Variants in FARS2 observed in about 807,000 individuals in gnomAD.
FARS2 encodes phenylalanyl-tRNA synthetase 2, mitochondrial.
In FARS2, 40 loss-of-function variants were observed where a neutral mutation model predicts 46.4. That is an observed-to-expected ratio of 0.86 (90% CI 0.67 to 1.12). The LOEUF is 1.12. Among genes scored for constraint, FARS2 ranks in the 50% most tolerant of loss-of-function variants. The pLI, the probability that FARS2 is intolerant of heterozygous loss-of-function variation, is 0.00. For synonymous variants in FARS2, 234 were observed against 214.9 expected (o/e 1.09, Z -0.78); for missense variants, 513 against 567.9 (o/e 0.90, Z 0.98).
chr6:5,503,825 C>G (rs1004588309), intron 4 of FARS2, among the ~76,000 whole-genome samples: 2 of 152,118 alleles, frequency 1.3e-5, no homozygotes, highest in African/African-American at 4.8e-5. Flanking sequence ...TCTTTGCCCC[C>G]GTCATTGATC....
intron 6 of FARS2, among the ~76,000 whole-genome samples, chr6:5,710,267 G>A (rs1163729725): frequency 6.6e-6 from 1 of 152,222 alleles, no homozygotes; most frequent in Non-Finnish European, 1.5e-5. Flanking sequence ...CCCTTGGTCA[G>A]GAGATTCACT....
rs532140049 is a variant in FARS2 at position 5,478,143 on chromosome 6, C to T, written c.904+46971C>T. Among the ~76,000 whole-genome samples the T allele has an allele frequency of 7.9e-5, 12 of 152,286 alleles. No homozygotes were observed. In the South Asian group the frequency reaches 1.5e-3, roughly 18 times the overall value. On this transcript the variant is annotated intron_variant, in intron 4 of 6. Transcript: ENST00000274680. ...GTGATGTCAGTATTAACCTGGCACA[C>T]GAAGACACTCAGTCAATATGTGTGG...
chr6:5,538,113 C>G (rs1454222545), intron 4 of FARS2, among the ~76,000 whole-genome samples: 1 of 145,410 alleles, frequency 6.9e-6, no homozygotes, highest in Non-Finnish European at 1.5e-5. Context: ...TCTGGTGACT[C>G]TAGTTTACTG....
chr6:5,270,262 AC>A (rs1269436061), intron 1 of FARS2, among the ~76,000 whole-genome samples: 19 of 152,328 alleles, frequency 1.2e-4, no homozygotes, highest in Middle Eastern at 3.4e-3. Flanking sequence ...GTCTTGGAGC[AC>A]TTTGAGACAA....
chr6:5,535,877 G>A (rs150355260), intron 4 of FARS2, among the ~76,000 whole-genome samples: 175 of 151,902 alleles, frequency 1.2e-3, no homozygotes, highest in Non-Finnish European at 1.9e-3. Flanking sequence ...GCACTCCTGG[G>A]GTAAATCCAT....
At chr6:5,741,024 A>C (rs1254123649) in intron 6 of FARS2, among the ~76,000 whole-genome samples, 1 of 152,196 alleles carries the variant, frequency 6.6e-6, no homozygotes, top group Non-Finnish European at 1.5e-5. Flanking sequence ...GTGCTAACAC[A>C]GACTGCGGCA....
chr6:5,556,608 A>G (rs1439106038), intron 5 of FARS2, among the ~76,000 whole-genome samples: 1 of 151,784 alleles, frequency 6.6e-6, no homozygotes, highest in Non-Finnish European at 1.5e-5. Context: ...GAAAAAGGAG[A>G]TCTTTTGGTA....
At chr6:5,546,436 G>C (rs967744382) in intron 5 of FARS2, among the ~76,000 whole-genome samples, 6 of 151,668 alleles carry the variant, frequency 4.0e-5, no homozygotes, top group Non-Finnish European at 5.9e-5. Context: ...ATTTTTAGTA[G>C]AGACGGGGTT....
chr6:5,260,578 G>A, upstream of FARS2: 3 of 1,518,776 alleles, frequency 2.0e-6, no homozygotes, highest in East Asian at 7.4e-5. Flanking sequence ...GGGATATTCC[G>A]CGTCAGCCCG....
intron 1 of FARS2, among the ~76,000 whole-genome samples, chr6:5,341,337 C>G (rs183095121): frequency 2.1e-5 from 3 of 142,808 alleles, no homozygotes; most frequent in African/African-American, 5.2e-5. Context: ...CAGCTCCCCC[C>G]TCCCTCATCA....
upstream of FARS2, chr6:5,260,950 C>T (rs973320333): frequency 7.5e-7 from 1 of 1,325,944 alleles, no homozygotes; most frequent in African/African-American, 1.6e-5. Flanking sequence ...AGGCAGGGCT[C>T]GGGGCAGCTA....
chr6:5,499,443 A>G (rs1448900134), intron 4 of FARS2, among the ~76,000 whole-genome samples: 1 of 152,218 alleles, frequency 6.6e-6, no homozygotes, highest in Non-Finnish European at 1.5e-5. Context: ...AAAGGAAAGA[A>G]TGGTTAGAAT....
At chr6:5,617,859 C>T (rs1028770316) in intron 6 of FARS2, among the ~76,000 whole-genome samples, 6 of 152,146 alleles carry the variant, frequency 3.9e-5, no homozygotes, top group African/African-American at 9.7e-5. Context: ...TTTTTTAGAT[C>T]TCATTATTGA....
chr6:5,436,992 C>A (rs1763561538), intron 4 of FARS2, among the ~76,000 whole-genome samples: 1 of 152,148 alleles, frequency 6.6e-6, no homozygotes, highest in Non-Finnish European at 1.5e-5. Flanking sequence ...CCAGTGAAAC[C>A]ATCACCACAA....
chr6:5,729,310 G>A (rs1760477207), intron 6 of FARS2, among the ~76,000 whole-genome samples: 1 of 152,154 alleles, frequency 6.6e-6, no homozygotes, highest in Admixed American at 6.5e-5. Flanking sequence ...GTCAGTCTCT[G>A]GAGGTGTCCA....
chr6:5,260,816 A>G, upstream of FARS2: 1 of 1,527,662 alleles, frequency 6.5e-7, no homozygotes, highest in Non-Finnish European at 8.7e-7. Flanking sequence ...GCCTGTGCGG[A>G]AACCACGAAC....
At chr6:5,406,333 C>T (rs1162832570) in intron 3 of FARS2, among the ~76,000 whole-genome samples, 3 of 152,138 alleles carry the variant, frequency 2.0e-5, no homozygotes, top group Non-Finnish European at 2.9e-5. Flanking sequence ...CAAGTTTTGA[C>T]GTCTTGCAAG....
chr6:5,636,843 C>G (rs1376484129), intron 6 of FARS2, among the ~76,000 whole-genome samples: 2 of 152,196 alleles, frequency 1.3e-5, no homozygotes, highest in African/African-American at 4.8e-5. Context: ...GCCTAAGTGT[C>G]CACCTCGATC....
intron 2 of FARS2, among the ~76,000 whole-genome samples, chr6:5,379,284 G>C (rs914695472): frequency 4.6e-5 from 7 of 152,216 alleles, no homozygotes; most frequent in Non-Finnish European, 1.0e-4. Flanking sequence ...CTGCATGGCA[G>C]CTCACCTATC....
Sources: gnomAD v4.1 joint callset for allele counts (sites outside exome capture counted in the v4.1 genomes callset) on GRCh38, gnomAD v4.1.1 for gene constraint, MANE v1.5 for transcripts, NCBI Gene and HGNC (gene_info 2026-07-23, HGNC 2026-07-21) for gene names.